PLEKHO1: variants seen among roughly 807,000 people sequenced by gnomAD.
PLEKHO1 encodes pleckstrin homology domain-containing family O member 1.
PLEKHO1 carries 22 observed loss-of-function variants against 41.4 expected under a neutral mutation model. The ratio of observed to expected loss-of-function variants is 0.53; its 90% CI spans 0.38 to 0.76. The LOEUF is 0.76. PLEKHO1 is among the 30% of genes least tolerant of loss of function. The pLI is 0.00. For synonymous variants in PLEKHO1, 225 were observed against 210.8 expected, an observed-to-expected ratio of 1.07 and a Z score of -0.58; for missense variants, 488 against 518.3, an observed-to-expected ratio of 0.94 and a Z score of 0.57.
At chr1:150,156,295 G>A (rs1660164661) in intron 3 of PLEKHO1, 89 bp downstream of exon 3, 2 of 1,137,986 alleles carry the variant, frequency 1.8e-6, no homozygotes, top group Non-Finnish European at 2.5e-6. Flanking sequence ...TTCTCTCTCA[G>A]CAATCTTGGT....
At chr1:150,157,194 A>G in intron 4 of PLEKHO1, 179 bp downstream of exon 4, 2 of 698,852 alleles carry the variant, frequency 2.9e-6, no homozygotes, top group Non-Finnish European at 5.1e-6. Flanking sequence ...CTCATCTGAC[A>G]CCTCCTCTTC....
At position 150,150,277 on chromosome 1, in the gene PLEKHO1, C is replaced by T. The variant is rs1175496831; in HGVS notation, c.20C>T (p.Ser7Phe). 1.8e-6 allele frequency: 2 copies of T among 1,122,454 alleles called. No individual in the cohort carries two copies. The highest frequency in any genetic ancestry group is 7.2e-5 in the East Asian group (1 of 13,868). 69.5% of individuals were successfully genotyped at this position (1,122,454 alleles called of 1,614,324 possible). MMKKNN[S>F]AKRGPQDGNQ... ...CTGGGAATGATGAAGAAGAACAATT[C>T]CGCCAAGCGGGTGAGTGCGCTTGCC... The change falls in exon 1 of 6, where the codon TCC becomes TTC. Residue 7 changes from serine to phenylalanine, a missense_variant. Coordinates refer to ENST00000369124, the MANE Select transcript of PLEKHO1 (RefSeq NM_016274.6).
chr1:150,156,299 T>G (rs782694496), intron 3 of PLEKHO1, 93 bp downstream of exon 3: 2 of 1,102,180 alleles, frequency 1.8e-6, no homozygotes, highest in Non-Finnish European at 2.6e-6. Context: ...CTCTCAGCAA[T>G]CTTGGTTCAG....
chr1:150,153,843 G>A (rs1660058008), intron 2 of PLEKHO1: 2 of 152,050 alleles, frequency 1.3e-5, no homozygotes, highest in Non-Finnish European at 2.9e-5. Flanking sequence ...CAAGGACGAA[G>A]AATCAGGGGA....
chr1:150,158,538 AAAG>A (rs1369464916), intron 5 of PLEKHO1, among the ~76,000 whole-genome samples: 1 of 150,854 alleles, frequency 6.6e-6, no homozygotes, highest in Admixed American at 6.6e-5. Context: ...ATACAAAAAA[AAAG>A]AGCTGGGCGT....
chr1:150,157,559 C>T (rs1475335920), intron 5 of PLEKHO1, 73 bp downstream of exon 5: 1 of 1,056,402 alleles, frequency 9.5e-7, no homozygotes, highest in African/African-American at 1.6e-5. Flanking sequence ...AACTGTATGC[C>T]ACCAGAGGCA....
intron 2 of PLEKHO1, chr1:150,154,592 T>A (rs1424244211): frequency 6.6e-6 from 1 of 152,160 alleles, no homozygotes; most frequent in African/African-American, 2.4e-5. Flanking sequence ...CACTTCCAGG[T>A]TTCCAGGAAC....
chr1:150,151,076 C>T lies in PLEKHO1; in HGVS notation c.177+18C>T, dbSNP rs1559958398. On this transcript the variant is annotated intron_variant, in intron 2 of 5. Transcript: ENST00000369124. ...AGAAGGAGGTGGGTGCCTCTTGCCT[C>T]TAACTCTCCGTTTTCTCATAGCCCC... 1.2e-6 allele frequency: 2 copies of T among 1,613,458 alleles called. No homozygotes were observed. Among genetic ancestry groups the T allele is most frequent in the East Asian group, 2.2e-5 (1 of 44,864 alleles).
intron 1 of PLEKHO1, 151 bp from the exon 2 acceptor site, chr1:150,150,761 C>T: frequency 1.6e-6 from 1 of 642,332 alleles, no homozygotes; most frequent in Non-Finnish European, 2.7e-6. Context: ...AAAACCTTTC[C>T]GAAGTGGGAG....
chr1:150,159,715 T>C lies in PLEKHO1; in HGVS notation c.*192T>C. On this transcript the variant is annotated 3_prime_UTR_variant, in exon 6 of 6. Coordinates refer to ENST00000369124, the MANE Select transcript of PLEKHO1 (RefSeq NM_016274.6). ...ATATGCCCCTCGTATGCCCCTCAGG[T>C]TTGAGGAAGTGACCCCGCAGCAGTA... 2.0e-6 allele frequency: 1 copy of C among 509,840 alleles called. No homozygotes were observed. The highest frequency in any genetic ancestry group is 3.5e-6 in the Non-Finnish European group (1 of 284,682). 31.6% of individuals were successfully genotyped at this position (509,840 alleles called of 1,614,324 possible). A position where few individuals can be genotyped will look rare whatever the true frequency, so the allele number is the denominator to read the frequency against.
chr1:150,150,431 C>T, intron 1 of PLEKHO1, 144 bp downstream of exon 1: 1 of 238,584 alleles, frequency 4.2e-6, no homozygotes, highest in Non-Finnish European at 6.8e-6. Context: ...CTCGGCCCCG[C>T]CAGGCGCCCG....
In PLEKHO1 at chr1:150,150,726, G is replaced by A. The variant is rs1227353972; in HGVS notation, c.31-186G>A. 15 of 570,320 alleles carry A rather than the reference G, an allele frequency of 2.6e-5. No homozygotes were observed. The East Asian group carries it at 4.2e-4, about 16-fold the overall frequency. 35.3% of individuals were successfully genotyped at this position (570,320 alleles called of 1,614,324 possible). On this transcript the variant is annotated intron_variant, in intron 1 of 5. Coordinates refer to ENST00000369124, the MANE Select transcript of PLEKHO1 (RefSeq NM_016274.6). Reference sequence around the variant, plus strand: ...GTTGTTTATTCGGGAGCGGGGGAGGGGAGCGGGGGGAGTTCCTCGGAGTGA... The same window carrying A: ...GTTGTTTATTCGGGAGCGGGGGAGGAGAGCGGGGGGAGTTCCTCGGAGTGA...
intron 5 of PLEKHO1, among the ~76,000 whole-genome samples, chr1:150,158,411 C>T (rs1660265767): frequency 6.6e-6 from 1 of 152,142 alleles, no homozygotes; most frequent in Non-Finnish European, 1.5e-5. Flanking sequence ...CTTTGCCAGG[C>T]AGGGGGGCTC....
intron 2 of PLEKHO1, among the ~76,000 whole-genome samples, chr1:150,151,394 T>G (rs190288743): frequency 8.5e-5 from 13 of 152,346 alleles, no homozygotes; most frequent in Middle Eastern, 3.4e-3. Context: ...TTCTTTTCTA[T>G]TTCTGCTGAA....
intron 4 of PLEKHO1, 130 bp downstream of exon 4, chr1:150,157,145 T>C: frequency 1.4e-6 from 1 of 708,956 alleles, no homozygotes; most frequent in Non-Finnish European, 2.5e-6. Flanking sequence ...TTTACCACCC[T>C]TTTAAAAGCC....
chr1:150,159,814 C>G lies in PLEKHO1; in HGVS notation c.*291C>G, dbSNP rs1189167195. ...CAGTCTGACCACTCCACACACCGCC[C>G]GCCCCCAAGACGGCACAGGGAGTCC... On this transcript the variant is annotated 3_prime_UTR_variant, in exon 6 of 6. Transcript: ENST00000369124. 1 of 280,130 alleles carries G rather than the reference C, an allele frequency of 3.6e-6. No homozygotes were observed. The highest frequency in any genetic ancestry group is 6.8e-6 in the Non-Finnish European group (1 of 147,312). The allele number at this position is 280,130 out of a possible 1,614,324, so 17.4% of individuals were successfully genotyped here.
chr1:150,153,255 G>A (rs587659633), intron 2 of PLEKHO1, among the ~76,000 whole-genome samples: 50 of 152,214 alleles, frequency 3.3e-4, no homozygotes, highest in African/African-American at 1.1e-3. Context: ...TGTCACAATC[G>A]TAGCTCACTG....
intron 2 of PLEKHO1, chr1:150,153,678 C>CA (rs1553819693): frequency 6.6e-6 from 1 of 152,168 alleles, no homozygotes; most frequent in African/African-American, 2.4e-5. Flanking sequence ...TCTTCCTTCT[C>CA]AAAGGGCATC....
chr1:150,155,702 C>T (rs1660137126), intron 2 of PLEKHO1: 1 of 173,588 alleles, frequency 5.8e-6, no homozygotes, highest in Non-Finnish European at 1.2e-5. Context: ...AATGGATCAA[C>T]CATCTACCAT....
Sources: gnomAD v4.1 joint callset for allele counts (sites outside exome capture counted in the v4.1 genomes callset) on GRCh38, gnomAD v4.1.1 for gene constraint, MANE v1.5 for transcripts, NCBI Gene and HGNC (gene_info 2026-07-23, HGNC 2026-07-21) for gene names.